ATP10D: variants seen among roughly 807,000 people sequenced by gnomAD.
ATP10D encodes phospholipid-transporting ATPase VD.
In ATP10D, 89 loss-of-function variants were observed where a neutral mutation model predicts 144.8. That is an observed-to-expected ratio of 0.61 (90% confidence interval 0.52 to 0.73). The LOEUF is 0.73. Among genes scored for constraint, ATP10D ranks in the 30% least tolerant of loss-of-function variants. ATP10D has a pLI of 0.00. For missense variants in ATP10D, 1,603 were observed against 1,714.8 expected (o/e 0.93, Z 1.15); for synonymous variants, 571 against 615.1 (o/e 0.93, Z 1.06).
intron 2 of ATP10D, 26 bp downstream of exon 2, chr4:47,512,856 C>A: frequency 6.4e-7 from 1 of 1,561,002 alleles, no homozygotes; most frequent in South Asian, 1.2e-5. Flanking sequence ...TGAAGAAAAC[C>A]TTAGAATATC....
intron 9 of ATP10D, among the ~76,000 whole-genome samples, chr4:47,541,228 T>C (rs1465486756): frequency 1.3e-5 from 2 of 152,148 alleles, no homozygotes; most frequent in East Asian, 3.8e-4. Context: ...GTTACTGTTG[T>C]TGTTGTTGTA....
chr4:47,527,670 A>G (rs1172591228), intron 5 of ATP10D, among the ~76,000 whole-genome samples: 2 of 152,334 alleles, frequency 1.3e-5, no homozygotes, highest in African/African-American at 4.8e-5. Context: ...AATGGCAAAT[A>G]ATTTTGTGAA....
At chr4:47,519,841 C>T (rs1463002411) in intron 3 of ATP10D, among the ~76,000 whole-genome samples, 1 of 152,186 alleles carries the variant, frequency 6.6e-6, no homozygotes, top group Non-Finnish European at 1.5e-5. Context: ...CATAACCTCT[C>T]TAGAGTGGGG....
intron 10 of ATP10D, among the ~76,000 whole-genome samples, chr4:47,553,233 G>A (rs1283381848): frequency 6.6e-6 from 1 of 152,194 alleles, no homozygotes; most frequent in Non-Finnish European, 1.5e-5. Context: ...GTAACTGAGG[G>A]TCTAGCACAA....
In ATP10D at chr4:47,509,106, A is replaced by G. The variant is rs182464784; in HGVS notation, c.-37-3398A>G. ...AAGAGTGAAAGGCTCTTTCCTGACT[A>G]CTGTGGGCACAGTGCTGCCCTCCCC... On this transcript the variant is annotated intron_variant, in intron 1 of 22. Transcript: ENST00000273859. Among the ~76,000 whole-genome samples, 475 of 152,304 alleles carry G rather than the reference A, an allele frequency of 3.1e-3. 3 individuals are homozygous for G. The highest frequency in any genetic ancestry group is 0.017 in the Middle Eastern group (5 of 294).
intron 1 of ATP10D, among the ~76,000 whole-genome samples, chr4:47,492,605 C>A (rs1435021103): frequency 6.6e-6 from 1 of 152,032 alleles, no homozygotes; most frequent in Non-Finnish European, 1.5e-5. Context: ...CATGTGTAAT[C>A]CATGCTTTTA....
At chr4:47,490,983 T>C in intron 1 of ATP10D, 1 of 657,530 alleles carries the variant, frequency 1.5e-6, no homozygotes, top group Non-Finnish European at 2.8e-6. Context: ...TTAACACCTC[T>C]GATGCCATGT....
chr4:47,565,842 A>G (rs890504784), intron 15 of ATP10D, among the ~76,000 whole-genome samples: 1 of 152,228 alleles, frequency 6.6e-6, no homozygotes, highest in African/African-American at 2.4e-5. Flanking sequence ...ATTTAAAACT[A>G]TCGATTCAAG....
rs28491448 is a variant in ATP10D, at chr4:47,514,490, T to C, written c.291-986T>C. ...AAAGAAGTATATATAGATTATTCTT[T>C]TGAGAAGTTTCATGGTCAATGGAAA... On this transcript the variant is annotated intron_variant, in intron 2 of 22. Coordinates refer to ENST00000273859, the MANE Select transcript of ATP10D (RefSeq NM_020453.4). 2.1e-3 allele frequency among the ~76,000 whole-genome samples: 326 copies of C among 152,324 alleles called. 3 individuals are homozygous for C. The highest frequency in any genetic ancestry group is 7.7e-3 in the African/African-American group (321 of 41,578).
At chr4:47,586,924 A>G in intron 21 of ATP10D, 95 bp from the exon 22 acceptor site, 7 of 1,070,266 alleles carry the variant, frequency 6.5e-6, no homozygotes, top group Non-Finnish European at 8.4e-6. Flanking sequence ...TCCAGTGCTT[A>G]GATGTGTTGT....
In ATP10D at chr4:47,488,612, CAAAAAAAAA is replaced by C. The variant is rs56859197; in HGVS notation, c.-38+3107_-38+3115del. Among the ~76,000 whole-genome samples the C allele has an allele frequency of 6.6e-5, 6 of 91,312 alleles. No individual in the cohort carries two copies. The South Asian group carries it at 1.8e-3, about 27-fold the overall frequency. 59.9% of individuals were successfully genotyped at this position (91,312 alleles called of 152,430 possible). On this transcript the variant is annotated intron_variant, in intron 1 of 22. Transcript: ENST00000273859. ...AAATATCACCAAGAAATATAATAAG[CAAAAAAAAA>C]AAAAAAAAAAAAAGATAAATGGTAA...
Position 47,510,296 on chromosome 4 carries a change from T to C in ATP10D, c.-37-2208T>C, listed in dbSNP as rs139937656. On this transcript the variant is annotated intron_variant, in intron 1 of 22. Transcript: ENST00000273859. ...TACAAAATGATGAGCTGCCCAGCCT[T>C]GGAGAGTAGGAGAGAGACTCTTGTA... Among the ~76,000 whole-genome samples, 228 of 152,090 alleles carry C rather than the reference T, an allele frequency of 1.5e-3. 1 individual carries two copies. The highest frequency in any genetic ancestry group is 0.01 in the Middle Eastern group (3 of 294).
rs114035396 is a variant in ATP10D at position 47,521,493 on chromosome 4, A to G, written c.486-1519A>G. 7.8e-3 allele frequency among the ~76,000 whole-genome samples: 1,182 copies of G among 152,190 alleles called. 18 individuals are homozygous for G. Among genetic ancestry groups the G allele is most frequent in the African/African-American group, 0.027 (1,101 of 41,510 alleles). On this transcript the variant is annotated intron_variant, in intron 3 of 22. Coordinates refer to ENST00000273859, the MANE Select transcript of ATP10D (RefSeq NM_020453.4). ...CTGACCATCTTCATTCCTCCCCTGAATTATTTCAATAACTTACCGTTGGTC... is the reference window on the plus strand; with the variant it reads ...CTGACCATCTTCATTCCTCCCCTGAGTTATTTCAATAACTTACCGTTGGTC...
Position 47,546,754 on chromosome 4 carries a change from G to A in ATP10D, c.1527G>A (p.Leu509=). 1 of 1,614,088 alleles carries A rather than the reference G, an allele frequency of 6.2e-7. No homozygotes were observed. Residue 509 remains leucine, a synonymous_variant, in exon 10 of 23, where the codon TTG becomes TTA. Transcript: ENST00000273859. ...PSCRTVHNGP[L]GNKPSNHLAG... ...GCAGGACAGTTCATAATGGGCCTTT[G>A]GGAAATAAGCCCTCAAATCATCTTG...
Position 47,518,734 on chromosome 4 carries a change from G to A in ATP10D, c.485+3064G>A, listed in dbSNP as rs571778458. On this transcript the variant is annotated intron_variant, in intron 3 of 22. Coordinates refer to ENST00000273859, the MANE Select transcript of ATP10D (RefSeq NM_020453.4). The stretch of plus-strand genomic sequence containing the variant: ...AATTAACCTTAGTAACACACTTTAC[G>A]AAACAAAAATTTTAGATTCTTCAAA... 1.4e-4 allele frequency among the ~76,000 whole-genome samples: 21 copies of A among 152,196 alleles called. No individual in the cohort carries two copies. The South Asian group carries it at 4.2e-3, about 30-fold the overall frequency.
chr4:47,549,468 C>T (rs376197610), intron 10 of ATP10D, among the ~76,000 whole-genome samples: 1 of 152,206 alleles, frequency 6.6e-6, no homozygotes, highest in Non-Finnish European at 1.5e-5. Context: ...GTTCTATGCA[C>T]TCCTCTTACC....
At position 47,546,731 on chromosome 4, in the gene ATP10D, A is replaced by C. The variant is rs1449205291; in HGVS notation, c.1504A>C (p.Arg502=). The change falls in exon 10 of 23, where the codon AGG becomes CGG. Residue 502 remains arginine, a synonymous_variant. Transcript: ENST00000273859. ...NMAKPRAPSC[R]TVHNGPLGNK... Reference sequence around the variant, plus strand: ...GGCAAAACCGAGAGCCCCCAGCTGCAGGACAGTTCATAATGGGCCTTTGGG... The same window carrying C: ...GGCAAAACCGAGAGCCCCCAGCTGCCGGACAGTTCATAATGGGCCTTTGGG... The C allele has an allele frequency of 6.2e-7, 1 of 1,614,150 alleles. No individual in the cohort carries two copies. Among genetic ancestry groups the C allele is most frequent in the South Asian group, 1.1e-5 (1 of 91,088 alleles).
intron 15 of ATP10D, among the ~76,000 whole-genome samples, chr4:47,564,959 GTTTGTTTA>G (rs1409709919): frequency 3.4e-4 from 50 of 146,310 alleles, no homozygotes; most frequent in Admixed American, 2.4e-3. Flanking sequence ...ACATGTTTTC[GTTTGTTTA>G]TTTGTTTGTT....
At chr4:47,502,424 A>G (rs909531080) in intron 1 of ATP10D, among the ~76,000 whole-genome samples, 3 of 151,706 alleles carry the variant, frequency 2.0e-5, no homozygotes, top group Admixed American at 6.6e-5. Context: ...GAGCCGAGAT[A>G]GCGCCACTGC....
Sources: gnomAD v4.1 joint callset for allele counts (sites outside exome capture counted in the v4.1 genomes callset) on GRCh38, gnomAD v4.1.1 for gene constraint, MANE v1.5 for transcripts, NCBI Gene and HGNC (gene_info 2026-07-23, HGNC 2026-07-21) for gene names.